The following PLCB1 variants were observed in gnomAD, a reference collection of about 807,000 sequenced individuals.
PLCB1 encodes the protein 1-phosphatidylinositol 4,5-bisphosphate phosphodiesterase beta-1.
Under a neutral mutation model 161.8 loss-of-function variants are expected in PLCB1, and 46 were observed. The ratio of observed to expected loss-of-function variants is 0.28; its 90% CI spans 0.22 to 0.36. PLCB1 has a LOEUF of 0.36. PLCB1 is among the 10% of genes least tolerant of loss of function. The pLI, the probability that PLCB1 is intolerant of heterozygous loss-of-function variation, is 1.00. For missense variants in PLCB1, 1,016 were observed against 1,472.5 expected (o/e 0.69, Z 5.07); for synonymous variants, 517 against 503.7 (o/e 1.03, Z -0.35).
At chr20:8,775,546 A>G (rs1982901145) in intron 27 of PLCB1, among the ~76,000 whole-genome samples, 1 of 152,180 alleles carries the variant, frequency 6.6e-6, no homozygotes, top group Non-Finnish European at 1.5e-5. Context: ...TTCAGCTTGT[A>G]AGGTTGGAAG....
At chr20:8,383,196 A>G (rs546345571) in intron 3 of PLCB1, among the ~76,000 whole-genome samples, 2 of 152,312 alleles carry the variant, frequency 1.3e-5, no homozygotes, top group Admixed American at 1.3e-4. Flanking sequence ...CTCTAAGAAC[A>G]TGTTTTATGA....
At chr20:8,292,999 G>A (rs926131088) in intron 2 of PLCB1, among the ~76,000 whole-genome samples, 2 of 152,078 alleles carry the variant, frequency 1.3e-5, no homozygotes, top group African/African-American at 4.8e-5. Context: ...TCACTTTAAA[G>A]TGTTATGTTT....
chr20:8,163,469 A>G (rs1408641603), intron 2 of PLCB1, among the ~76,000 whole-genome samples: 1 of 152,258 alleles, frequency 6.6e-6, no homozygotes, highest in Non-Finnish European at 1.5e-5. Flanking sequence ...GGGCACCACC[A>G]GCAGCAACCA....
At chr20:8,483,614 TA>T (rs1982597963) in intron 3 of PLCB1, among the ~76,000 whole-genome samples, 1 of 152,214 alleles carries the variant, frequency 6.6e-6, no homozygotes. Flanking sequence ...AATATTGAGC[TA>T]ATATCTAAAC....
At chr20:8,409,133 A>C (rs1046794585) in intron 3 of PLCB1, among the ~76,000 whole-genome samples, 1 of 152,206 alleles carries the variant, frequency 6.6e-6, no homozygotes, top group Non-Finnish European at 1.5e-5. Context: ...TGAAGATGCA[A>C]AAACCCAGTG....
chr20:8,165,765 T>C (rs1452580879), intron 2 of PLCB1, among the ~76,000 whole-genome samples: 1 of 152,210 alleles, frequency 6.6e-6, no homozygotes, highest in African/African-American at 2.4e-5. Context: ...CAATGACCTT[T>C]CAGTAGTTCA....
At chr20:8,190,882 G>A (rs781144505) in intron 2 of PLCB1, among the ~76,000 whole-genome samples, 5 of 152,218 alleles carry the variant, frequency 3.3e-5, no homozygotes, top group East Asian at 1.9e-4. Flanking sequence ...GACCGGGTCC[G>A]GTGGAGAAGC....
At chr20:8,558,530 T>C (rs910203821) in intron 3 of PLCB1, among the ~76,000 whole-genome samples, 2 of 151,744 alleles carry the variant, frequency 1.3e-5, no homozygotes, top group African/African-American at 4.8e-5. Context: ...TTTGAAGACA[T>C]AATGGTTGTA....
At chr20:8,197,361 G>T (rs1164596577) in intron 2 of PLCB1, among the ~76,000 whole-genome samples, 1 of 152,114 alleles carries the variant, frequency 6.6e-6, no homozygotes, top group Non-Finnish European at 1.5e-5. Flanking sequence ...ATTCTAACTG[G>T]TGTGAGATGG....
At chr20:8,546,562 C>T (rs1205083753) in intron 3 of PLCB1, among the ~76,000 whole-genome samples, 2 of 152,060 alleles carry the variant, frequency 1.3e-5, no homozygotes, top group East Asian at 3.8e-4. Flanking sequence ...CACTTAAGCT[C>T]TAGGGGGGAG....
chr20:8,481,848 T>C (rs1264867825), intron 3 of PLCB1, among the ~76,000 whole-genome samples: 1 of 152,086 alleles, frequency 6.6e-6, no homozygotes, highest in Non-Finnish European at 1.5e-5. Context: ...CGATGTTTTC[T>C]GTGAGTCATG....
At chr20:8,768,116 C>G (rs142199603) in intron 26 of PLCB1, among the ~76,000 whole-genome samples, 18 of 152,040 alleles carry the variant, frequency 1.2e-4, no homozygotes, top group South Asian at 4.1e-4. Flanking sequence ...TTGCAGTGAG[C>G]CGAGATGGTG....
chr20:8,233,792 G>T (rs1187145450), intron 2 of PLCB1, among the ~76,000 whole-genome samples: 1 of 152,112 alleles, frequency 6.6e-6, no homozygotes, highest in Non-Finnish European at 1.5e-5. Flanking sequence ...TAACAGCATA[G>T]ATAAGCTGTG....
chr20:8,814,736 G>A (rs970970302), intron 31 of PLCB1, among the ~76,000 whole-genome samples: 2 of 152,148 alleles, frequency 1.3e-5, no homozygotes, highest in Admixed American at 1.3e-4. Flanking sequence ...AGGAAGGATG[G>A]GTTCCCATAA....
At position 8,369,541 on chromosome 20, in the gene PLCB1, C is replaced by T. The variant is rs80083476; in HGVS notation, c.178-1841C>T. Among the ~76,000 whole-genome samples the T allele has an allele frequency of 2.0e-4, 30 of 152,308 alleles. 3 individuals are homozygous for T. The East Asian group carries it at 5.6e-3, about 28-fold the overall frequency. The stretch of plus-strand genomic sequence containing the variant: ...GCATTTTCTGAAGTGAAGCATTGAA[C>T]ATGGTTGAGACCATTGTTTTCTAAC... On this transcript the variant is annotated intron_variant, in intron 2 of 31. Coordinates refer to ENST00000338037, the MANE Select transcript of PLCB1 (RefSeq NM_015192.4).
chr20:8,584,483 G>GACACACAC (rs61008784), intron 3 of PLCB1, among the ~76,000 whole-genome samples: 11,312 of 147,662 alleles, frequency 0.077, 430 homozygotes, highest in South Asian at 0.12. Context: ...CACACACACA[G>GACACACAC]ACACACACAC....
intron 31 of PLCB1, among the ~76,000 whole-genome samples, chr20:8,862,213 A>G (rs1987281394): frequency 1.3e-5 from 2 of 152,202 alleles, no homozygotes; most frequent in Non-Finnish European, 2.9e-5. Context: ...TGATTTATTT[A>G]TTTAAATTTC....
intron 2 of PLCB1, among the ~76,000 whole-genome samples, chr20:8,193,418 AAGG>A (rs918573382): frequency 2.0e-5 from 3 of 152,044 alleles, no homozygotes; most frequent in African/African-American, 4.8e-5. Flanking sequence ...TTTAAAAAAA[AAGG>A]AGAAGAAAAA....
chr20:8,842,309 A>G (rs1214419992), intron 31 of PLCB1, among the ~76,000 whole-genome samples: 1 of 152,216 alleles, frequency 6.6e-6, no homozygotes, highest in African/African-American at 2.4e-5. Context: ...ATAAACAGCT[A>G]TTTATTATTA....
Sources: allele counts gnomAD v4.1 joint callset (sites outside exome capture counted in the v4.1 genomes callset), GRCh38; gene constraint gnomAD v4.1.1; transcripts MANE v1.5; gene names NCBI Gene and HGNC (gene_info 2026-07-23, HGNC 2026-07-21).